ASF1B: variants seen among roughly 807,000 people sequenced by gnomAD.
The protein encoded by ASF1B is histone chaperone ASF1B.
ASF1B carries 10 observed loss-of-function variants against 16.6 expected under a neutral mutation model. That is an observed-to-expected ratio of 0.60 (90% CI 0.37 to 1.02). The LOEUF (loss-of-function observed/expected upper bound fraction) is 1.02, where lower values mean the gene tolerates loss of function less well. ASF1B is among the 50% of genes least tolerant of loss of function. ASF1B has a pLI of 0.01. For synonymous variants in ASF1B, 101 were observed against 106.2 expected, an observed-to-expected ratio of 0.95 and a Z score of 0.30; for missense variants, 240 against 266.0, an observed-to-expected ratio of 0.90 and a Z score of 0.68.
chr19:14,127,610 CA>C (rs1217663511), intron 1 of ASF1B, among the ~76,000 whole-genome samples: 2 of 151,914 alleles, frequency 1.3e-5, no homozygotes, highest in Non-Finnish European at 2.9e-5. Flanking sequence ...GCAACTCAGT[CA>C]ACAAATGTGG....
chr19:14,134,596 G>C (rs943118044), intron 1 of ASF1B, among the ~76,000 whole-genome samples: 1 of 152,152 alleles, frequency 6.6e-6, no homozygotes, highest in African/African-American at 2.4e-5. Context: ...CCTGAAAGCA[G>C]GACTTGCCTG....
intron 1 of ASF1B, among the ~76,000 whole-genome samples, chr19:14,130,359 T>C (rs1967383172): frequency 6.6e-6 from 1 of 151,960 alleles, no homozygotes; most frequent in East Asian, 2.0e-4. Flanking sequence ...CTATGCCCAG[T>C]CGAGAATCAT....
chr19:14,132,732 C>T (rs1325765259), intron 1 of ASF1B, among the ~76,000 whole-genome samples: 1 of 152,058 alleles, frequency 6.6e-6, no homozygotes, highest in Non-Finnish European at 1.5e-5. Context: ...GCCGGAGAAT[C>T]GCTTGAACTC....
At chr19:14,135,581 G>T (rs977605270) in intron 1 of ASF1B, among the ~76,000 whole-genome samples, 1 of 152,186 alleles carries the variant, frequency 6.6e-6, no homozygotes, top group African/African-American at 2.4e-5. Flanking sequence ...GGCAGGTTGG[G>T]GAGGGGACTG....
chr19:14,126,771 C>T (rs1967324938), intron 1 of ASF1B, among the ~76,000 whole-genome samples: 1 of 152,068 alleles, frequency 6.6e-6, no homozygotes, highest in South Asian at 2.1e-4. Flanking sequence ...TGTACCTGGC[C>T]TGTTTTTGTA....
At chr19:14,134,200 C>T (rs1327433417) in intron 1 of ASF1B, among the ~76,000 whole-genome samples, 1 of 152,178 alleles carries the variant, frequency 6.6e-6, no homozygotes, top group Non-Finnish European at 1.5e-5. Context: ...TTACTTCCTT[C>T]CATCTCCTCC....
At chr19:14,124,188 C>T (rs1967284487) in intron 2 of ASF1B, among the ~76,000 whole-genome samples, 1 of 152,094 alleles carries the variant, frequency 6.6e-6, no homozygotes, top group Admixed American at 6.6e-5. Flanking sequence ...ACAGGTCTCG[C>T]TGTCACCCAG....
intron 1 of ASF1B, among the ~76,000 whole-genome samples, chr19:14,132,365 T>A (rs1334589213): frequency 6.6e-6 from 1 of 152,106 alleles, no homozygotes; most frequent in East Asian, 1.9e-4. Context: ...TTGACGCTGC[T>A]GAGAGTGAGG....
intron 2 of ASF1B, 117 bp downstream of exon 2, chr19:14,126,005 G>A (rs1313550387): frequency 2.6e-6 from 2 of 768,930 alleles, no homozygotes; most frequent in African/African-American, 1.8e-5. Context: ...CTATAGGCGT[G>A]AGCCCGTGCC....
intron 1 of ASF1B, among the ~76,000 whole-genome samples, chr19:14,132,808 A>T (rs1456946083): frequency 6.6e-6 from 1 of 151,974 alleles, no homozygotes; most frequent in African/African-American, 2.4e-5. Flanking sequence ...ACATAGTGAG[A>T]TTCCATTTCT....
intron 1 of ASF1B, among the ~76,000 whole-genome samples, chr19:14,128,657 A>G (rs1338962330): frequency 6.6e-6 from 1 of 152,186 alleles, no homozygotes; most frequent in African/African-American, 2.4e-5. Flanking sequence ...AATTGTTTTT[A>G]GAGATGAGGT....
intron 1 of ASF1B, among the ~76,000 whole-genome samples, chr19:14,130,876 G>C (rs1568546154): frequency 6.6e-6 from 1 of 151,508 alleles, no homozygotes; most frequent in Non-Finnish European, 1.5e-5. Flanking sequence ...TCTGCTTCCT[G>C]CTTTTTTGTT....
chr19:14,136,207 G>A, intron 1 of ASF1B, 141 bp downstream of exon 1: 1 of 614,478 alleles, frequency 1.6e-6, no homozygotes, highest in African/African-American at 1.9e-5. Flanking sequence ...CCGGTTGACT[G>A]GCGGGCTGGG....
intron 1 of ASF1B, among the ~76,000 whole-genome samples, chr19:14,126,719 G>A (rs1477785932): frequency 6.6e-6 from 1 of 152,062 alleles, no homozygotes. Context: ...TGATCCACCC[G>A]CCTTGGCCTC....
chr19:14,126,560 C>T (rs1967321442), intron 1 of ASF1B, among the ~76,000 whole-genome samples: 1 of 152,170 alleles, frequency 6.6e-6, no homozygotes. Context: ...CAATCTCTGC[C>T]TCCCAGGTTC....
intron 1 of ASF1B, among the ~76,000 whole-genome samples, chr19:14,127,352 C>T (rs1967334064): frequency 6.6e-6 from 1 of 152,202 alleles, no homozygotes; most frequent in Non-Finnish European, 1.5e-5. Context: ...GAGAAGGGAA[C>T]GGCAGGGAGT....
Position 14,136,548 on chromosome 19 carries a change from AC to A in ASF1B, c.-93del. On this transcript the variant is annotated 5_prime_UTR_variant, in exon 1 of 4. Transcript: ENST00000263382. The stretch of plus-strand genomic sequence containing the variant: ...CGGTGGGGTCAGTGGGGTAGGGCTG[AC>A]CAGGTCCACTCCCGCCTCTTCTCTC... 1 of 990,814 alleles carries A rather than the reference AC, an allele frequency of 1.0e-6. No homozygotes were observed. Among genetic ancestry groups the A allele is most frequent in the Non-Finnish European group, 1.5e-6 (1 of 670,296 alleles). The allele number at this position is 990,814 out of a possible 1,614,324, so 61.4% of individuals were successfully genotyped here.
intron 1 of ASF1B, among the ~76,000 whole-genome samples, chr19:14,134,736 T>C (rs2144522000): frequency 6.6e-6 from 1 of 152,100 alleles, no homozygotes; most frequent in Admixed American, 6.6e-5. Flanking sequence ...CACCTTTAAG[T>C]CACACAGATT....
At chr19:14,133,987 G>A (rs981384458) in intron 1 of ASF1B, among the ~76,000 whole-genome samples, 5 of 151,716 alleles carry the variant, frequency 3.3e-5, no homozygotes, top group Non-Finnish European at 7.4e-5. Context: ...GTGTTTTTTA[G>A]TAGAGACGGG....
Sources: allele counts gnomAD v4.1 joint callset (sites outside exome capture counted in the v4.1 genomes callset), GRCh38; gene constraint gnomAD v4.1.1; transcripts MANE v1.5; gene names NCBI Gene and HGNC (gene_info 2026-07-23, HGNC 2026-07-21).